NALF2: variants seen among roughly 807,000 people sequenced by gnomAD.
NALF2 encodes NALCN channel auxiliary factor 2, also known as bB57D9.1 (TED protein).
In NALF2, 1 loss-of-function variant was observed where a neutral mutation model predicts 24.8. The ratio of observed to expected loss-of-function variants is 0.04; its 90% CI spans 0.01 to 0.19. The LOEUF is 0.19. Ranked by LOEUF, NALF2 falls within the 10% of genes least tolerant of loss-of-function variation. NALF2 has a pLI of 1.00. For synonymous variants in NALF2, 254 were observed against 189.8 expected, an observed-to-expected ratio of 1.34 and a Z score of -2.78; for missense variants, 458 against 409.6, an observed-to-expected ratio of 1.12 and a Z score of -1.02.
At position 69,505,958 on chromosome X, in the gene NALF2, G is replaced by T. The variant is rs149821108; in HGVS notation, c.676G>T (p.Gly226Trp). Residue 226 changes from glycine (G) to tryptophan (W), a missense_variant, in exon 1 of 3, where the codon GGG (glycine) becomes TGG (tryptophan). Physicochemically the swap from Gly to Trp is radical, Grantham distance 184. Coordinates refer to ENST00000252338, the MANE Select transcript of NALF2 (RefSeq NM_015686.3). ...GGACTGTAGCCTGGACACCCTGATGGGGGACCTGCTGGCCGTGGTGGCCAG... is the reference window on the plus strand; with the variant it reads ...GGACTGTAGCCTGGACACCCTGATGTGGGACCTGCTGGCCGTGGTGGCCAG... The part of the protein sequence containing the change: ...SLDCSLDTLM[G>W]DLLAVVASPG... 258 of 1,210,347 alleles carry T rather than the reference G, an allele frequency of 2.1e-4. No homozygotes were observed. Among genetic ancestry groups the T allele is most frequent in the Non-Finnish European group, 2.6e-4 (231 of 895,204 alleles).
At chrX:69,515,868 T>C in intron 1 of NALF2, among the ~76,000 whole-genome samples, 1 of 112,317 alleles carries the variant, frequency 8.9e-6, no homozygotes, top group East Asian at 2.8e-4. Context: ...TCTTGCATCT[T>C]CCTTATGAAG....
intron 1 of NALF2, 98 bp downstream of exon 1, chrX:69,506,241 C>T: frequency 6.5e-6 from 6 of 919,579 alleles, no homozygotes; most frequent in Non-Finnish European, 9.0e-6. Flanking sequence ...TTCTACCCAC[C>T]CCACCACTCC....
At chrX:69,518,314 C>T (rs1303874838) in intron 1 of NALF2, among the ~76,000 whole-genome samples, 1 of 111,374 alleles carries the variant, frequency 9.0e-6, no homozygotes, top group East Asian at 2.8e-4. Flanking sequence ...TTGTTGTTTT[C>T]GAGGTTCGTG....
chrX:69,519,913 C>T (rs1032421128), intron 1 of NALF2, among the ~76,000 whole-genome samples: 1 of 112,297 alleles, frequency 8.9e-6, no homozygotes, highest in Admixed American at 9.4e-5. Flanking sequence ...GAGACTGCCT[C>T]TTAATTCCCC....
chrX:69,528,419 T>A (rs972088079), intron 1 of NALF2, among the ~76,000 whole-genome samples: 8 of 112,074 alleles, frequency 7.1e-5, no homozygotes, highest in African/African-American at 2.6e-4. Context: ...TGGTTTTTTT[T>A]TTATTATTAA....
At chrX:69,528,857 T>C in intron 1 of NALF2, 136 bp from the exon 2 acceptor site, 1 of 565,475 alleles carries the variant, frequency 1.8e-6, no homozygotes, top group Non-Finnish European at 2.6e-6. Flanking sequence ...CAAGCCCTTC[T>C]TCCTCTCTAC....
rs939708061 is a variant in NALF2 at position 69,532,108 on chromosome X, G to A, written c.*2152G>A. The A allele has an allele frequency of 1.8e-5, 2 of 112,506 alleles. No homozygotes were observed. The allele number at this position is 112,506 out of a possible 1,213,427, so 9.3% of individuals were successfully genotyped here. A position where few individuals can be genotyped will look rare whatever the true frequency, so the allele number is the denominator to read the frequency against. ...GCCCAAGGCCTTGCCCAGTGGCAGGGGAAAGGGGCACCTCACTCCACCTCA... is the reference window on the plus strand; with the variant it reads ...GCCCAAGGCCTTGCCCAGTGGCAGGAGAAAGGGGCACCTCACTCCACCTCA... On this transcript the variant is annotated 3_prime_UTR_variant, in exon 3 of 3. Coordinates refer to ENST00000252338, the MANE Select transcript of NALF2 (RefSeq NM_015686.3).
At chrX:69,527,941 C>T (rs191822781) in intron 1 of NALF2, among the ~76,000 whole-genome samples, 3 of 111,221 alleles carry the variant, frequency 2.7e-5, no homozygotes, top group Non-Finnish European at 5.7e-5. Context: ...ATACCCCTAC[C>T]CCAGGGGAAC....
chrX:69,518,989 T>C lies in NALF2; in HGVS notation c.862-10004T>C, dbSNP rs749037518. On this transcript the variant is annotated intron_variant, in intron 1 of 2. Coordinates refer to ENST00000252338, the MANE Select transcript of NALF2 (RefSeq NM_015686.3). ...TTCCCCTCCCCTCATACATTCAATA[T>C]TGGCAAATCAAAATTCCTGATTTTA... 7.1e-5 allele frequency among the ~76,000 whole-genome samples: 8 copies of C among 112,471 alleles called. No individual in the cohort carries two copies. In the South Asian group the frequency reaches 3.0e-3, roughly 42 times the overall value.
At chrX:69,513,132 C>G (rs1157066316) in intron 1 of NALF2, among the ~76,000 whole-genome samples, 1 of 111,706 alleles carries the variant, frequency 9.0e-6, no homozygotes, top group Non-Finnish European at 1.9e-5. Context: ...CAGCCCCAAT[C>G]TGCTGGAGGG....
rs1478416109 is a variant in NALF2, at chrX:69,530,333, G to T, written c.*377G>T. On this transcript the variant is annotated 3_prime_UTR_variant, in exon 3 of 3. Transcript: ENST00000252338. ...CTTGGCCCTGCAGGGAATGTTGGGG[G>T]GCACAGAGGGGAGAAGCTCTTTCCC... is the stretch of plus-strand genomic sequence containing the variant. 1 of 166,709 alleles carries T rather than the reference G, an allele frequency of 6.0e-6. No individual in the cohort carries two copies. Among genetic ancestry groups the T allele is most frequent in the African/African-American group, 3.0e-5 (1 of 32,969 alleles). 13.7% of individuals were successfully genotyped at this position (166,709 alleles called of 1,213,427 possible).
intron 1 of NALF2, among the ~76,000 whole-genome samples, chrX:69,508,777 G>C (rs1299307042): frequency 8.9e-6 from 1 of 112,050 alleles, no homozygotes; most frequent in Non-Finnish European, 1.9e-5. Flanking sequence ...AAGCCCTCCT[G>C]TCTGGTCCCC....
chrX:69,525,702 T>C (rs1930797487), intron 1 of NALF2, among the ~76,000 whole-genome samples: 1 of 108,864 alleles, frequency 9.2e-6, no homozygotes, highest in Non-Finnish European at 1.9e-5. Context: ...TTCAACTTCT[T>C]TCACCCTCAC....
At position 69,505,288 on chromosome X, in the gene NALF2, C is replaced by G; in HGVS notation, c.6C>G (p.Phe2Leu). The part of the protein sequence containing the change: M[F>L]RGAWMWPGKD... ...AGCCCGGACCCCCCTGAAATATGTT[C>G]AGGGGCGCTTGGATGTGGCCCGGGA... The change falls in exon 1 of 3, where the codon TTC (phenylalanine) becomes TTG (leucine). Residue 2 changes from phenylalanine to leucine, a missense_variant. Physicochemically the swap from Phe to Leu is conservative, Grantham distance 22. Transcript: ENST00000252338. 1.7e-6 allele frequency: 2 copies of G among 1,153,757 alleles called. No homozygotes were observed. Among genetic ancestry groups the G allele is most frequent in the Non-Finnish European group, 2.3e-6 (2 of 866,961 alleles).
intron 1 of NALF2, among the ~76,000 whole-genome samples, chrX:69,518,418 T>TACACACACATATATATGTGTATACAC (rs1930691543): frequency 8.9e-6 from 1 of 111,860 alleles, no homozygotes; most frequent in Non-Finnish European, 1.9e-5. Context: ...TATATATATA[T>TACACACACATATATATGTGTATACAC]ACACACACAT....
chrX:69,508,512 C>T (rs1379576956), intron 1 of NALF2, among the ~76,000 whole-genome samples: 2 of 111,671 alleles, frequency 1.8e-5, no homozygotes, highest in African/African-American at 3.3e-5. Context: ...CCTGTGCTCT[C>T]GCTGCCTGCT....
intron 1 of NALF2, among the ~76,000 whole-genome samples, chrX:69,519,699 C>T (rs6625472): frequency 0.18 from 20,010 of 111,735 alleles, 1,739 homozygotes; most frequent in Non-Finnish European, 0.27. Flanking sequence ...TACAGGGACT[C>T]ATCTGAATGT....
chrX:69,530,103 C>T lies in NALF2; in HGVS notation c.*147C>T. 4.3e-6 allele frequency: 2 copies of T among 462,245 alleles called. No homozygotes were observed. Among genetic ancestry groups the T allele is most frequent in the Non-Finnish European group, 7.2e-6 (2 of 279,025 alleles). 38.1% of individuals were successfully genotyped at this position (462,245 alleles called of 1,213,427 possible). A position where few individuals can be genotyped will look rare whatever the true frequency, so the allele number is the denominator to read the frequency against. On this transcript the variant is annotated 3_prime_UTR_variant, in exon 3 of 3. Transcript: ENST00000252338. Reference sequence around the variant, plus strand: ...AATGACACATCCCCCCCAACCTACCCCCACCCCAAAAGCAGCTCCAACAGA... The same window carrying T: ...AATGACACATCCCCCCCAACCTACCTCCACCCCAAAAGCAGCTCCAACAGA...
chrX:69,521,920 A>G (rs1357156062), intron 1 of NALF2, among the ~76,000 whole-genome samples: 1 of 112,018 alleles, frequency 8.9e-6, no homozygotes, highest in Non-Finnish European at 1.9e-5. Flanking sequence ...AAGATGTTCA[A>G]GAAATGTTTG....
Sources: gnomAD v4.1 joint callset for allele counts (sites outside exome capture counted in the v4.1 genomes callset) on GRCh38, gnomAD v4.1.1 for gene constraint, MANE v1.5 for transcripts, NCBI Gene and HGNC (gene_info 2026-07-23, HGNC 2026-07-21) for gene names.